The following SEMA3E variants were observed in gnomAD, a reference collection of about 807,000 sequenced individuals.
SEMA3E encodes the protein semaphorin 3E.
Under a neutral mutation model 93.6 loss-of-function variants are expected in SEMA3E, and 49 were observed. The ratio of observed to expected loss-of-function variants is 0.52; its 90% confidence interval spans 0.42 to 0.66. The LOEUF (loss-of-function observed/expected upper bound fraction) is 0.66, where lower values mean the gene tolerates loss of function less well. Among genes scored for constraint, SEMA3E ranks in the 30% least tolerant of loss-of-function variants. The probability of loss-of-function intolerance (pLI) is 0.00; values close to 1 mark genes in which losing one functional copy is unlikely to be tolerated. For synonymous variants in SEMA3E, 363 were observed against 330.7 expected (o/e 1.10, Z -1.06); for missense variants, 906 against 964.8 (o/e 0.94, Z 0.81).
rs938117818 is a variant in SEMA3E, at chr7:83,613,308, T to C, written c.115+35120A>G. Among the ~76,000 whole-genome samples the C allele has an allele frequency of 2.6e-5, 4 of 152,130 alleles. No individual in the cohort carries two copies. The Middle Eastern group carries it at 0.014, about 517-fold the overall frequency. On this transcript the variant is annotated intron_variant, in intron 1 of 16. Coordinates refer to ENST00000643230, the MANE Select transcript of SEMA3E (RefSeq NM_012431.3). ...ATACAGAAAAGAAAATCTAAAAATA[T>C]ACAGAAGTAAAACATGGAAGGAATT... is the stretch of plus-strand genomic sequence containing the variant.
At chr7:83,463,332 C>G (rs1169408747) in intron 4 of SEMA3E, among the ~76,000 whole-genome samples, 1 of 152,118 alleles carries the variant, frequency 6.6e-6, no homozygotes, top group African/African-American at 2.4e-5. Flanking sequence ...TGCTTTAATA[C>G]TTTTAGAGGC....
In SEMA3E at chr7:83,473,622, T is replaced by TA. The variant is rs72193627; in HGVS notation, c.277-4321dup. ...TAAAAATCCATATTTCTGATTTCCC[T>TA]AAAAATATGATGAAATGCAACACTA... On this transcript the variant is annotated intron_variant, in intron 2 of 16. Transcript: ENST00000643230. 8.6e-3 allele frequency among the ~76,000 whole-genome samples: 1,314 copies of TA among 152,316 alleles called. 17 individuals carry two copies. The highest frequency in any genetic ancestry group is 0.03 in the African/African-American group (1,238 of 41,576).
rs528831413 is a variant in SEMA3E, at chr7:83,647,437, A to G, written c.115+991T>C. Among the ~76,000 whole-genome samples, 170 of 152,272 alleles carry G rather than the reference A, an allele frequency of 1.1e-3. 2 individuals carry two copies. The highest frequency in any genetic ancestry group is 3.9e-3 in the African/African-American group (162 of 41,562). Reference sequence around the variant, plus strand: ...AAATGATTCTTATGTAATCCTGAGTATTACATCTGCTATCTGTCTCAATGT... The same window carrying G: ...AAATGATTCTTATGTAATCCTGAGTGTTACATCTGCTATCTGTCTCAATGT... On this transcript the variant is annotated intron_variant, in intron 1 of 16. Coordinates refer to ENST00000643230, the MANE Select transcript of SEMA3E (RefSeq NM_012431.3).
chr7:83,412,345 T>C (rs141913079), intron 5 of SEMA3E, among the ~76,000 whole-genome samples: 67 of 152,216 alleles, frequency 4.4e-4, no homozygotes, highest in Admixed American at 7.2e-4. Flanking sequence ...ATACAAAAAA[T>C]GCTCAATAAA....
intron 4 of SEMA3E, among the ~76,000 whole-genome samples, chr7:83,434,760 C>A (rs977197968): frequency 7.2e-6 from 1 of 138,558 alleles, no homozygotes; most frequent in African/African-American, 2.7e-5. Flanking sequence ...GTCGCCCAGG[C>A]TGGAGTGCAG....
chr7:83,569,614 C>A (rs1172487751), intron 1 of SEMA3E, among the ~76,000 whole-genome samples: 1 of 151,988 alleles, frequency 6.6e-6, no homozygotes, highest in East Asian at 1.9e-4. Flanking sequence ...AGATGTTAAC[C>A]AACAACAATA....
chr7:83,632,014 G>A (rs535366924), intron 1 of SEMA3E, among the ~76,000 whole-genome samples: 19 of 152,176 alleles, frequency 1.2e-4, no homozygotes, highest in African/African-American at 4.3e-4. Flanking sequence ...AATTAGCCGG[G>A]CATGGTGGTA....
chr7:83,456,091 T>G (rs1292352049), intron 4 of SEMA3E, among the ~76,000 whole-genome samples: 2 of 152,232 alleles, frequency 1.3e-5, no homozygotes, highest in Non-Finnish European at 2.9e-5. Flanking sequence ...AAAATACAAA[T>G]AGTAACGTGC....
Position 83,439,142 on chromosome 7 carries a change from C to T in SEMA3E, c.457-20659G>A, listed in dbSNP as rs183076115. 4.9e-3 allele frequency among the ~76,000 whole-genome samples: 752 copies of T among 152,272 alleles called. 7 individuals are homozygous for T. The highest frequency in any genetic ancestry group is 0.017 in the African/African-American group (707 of 41,562). ...GGAATAATTCTTCAGTTCTAAATCC[C>T]TTCTTCCCTTTTACTTGGATGCATT... On this transcript the variant is annotated intron_variant, in intron 4 of 16. Transcript: ENST00000643230.
chr7:83,455,679 G>A (rs1789464529), intron 4 of SEMA3E, among the ~76,000 whole-genome samples: 2 of 152,182 alleles, frequency 1.3e-5, no homozygotes, highest in African/African-American at 4.8e-5. Flanking sequence ...TTGTCATGAT[G>A]AAGCTGTGCT....
intron 1 of SEMA3E, among the ~76,000 whole-genome samples, chr7:83,505,461 C>T (rs1187097943): frequency 3.9e-5 from 6 of 152,214 alleles, no homozygotes; most frequent in South Asian, 2.1e-4. Flanking sequence ...AAAATTACCA[C>T]TGAATATACC....
intron 1 of SEMA3E, among the ~76,000 whole-genome samples, chr7:83,627,980 C>T (rs966703286): frequency 6.6e-6 from 1 of 152,022 alleles, no homozygotes; most frequent in Non-Finnish European, 1.5e-5. Context: ...ATATTTAGTG[C>T]TTCCTTCAGG....
intron 4 of SEMA3E, among the ~76,000 whole-genome samples, chr7:83,445,675 G>A (rs554419340): frequency 2.0e-5 from 3 of 152,204 alleles, no homozygotes; most frequent in Non-Finnish European, 4.4e-5. Flanking sequence ...CCAAGATTGC[G>A]CCATTGCATT....
intron 1 of SEMA3E, among the ~76,000 whole-genome samples, chr7:83,506,920 A>G (rs1790716092): frequency 6.6e-6 from 1 of 152,232 alleles, no homozygotes; most frequent in South Asian, 2.1e-4. Context: ...GCAATTTATT[A>G]GTAGAGCAAG....
chr7:83,454,272 A>AATATATATATAT (rs71534491), intron 4 of SEMA3E, among the ~76,000 whole-genome samples: 9 of 110,134 alleles, frequency 8.2e-5, no homozygotes, highest in African/African-American at 3.9e-4. Context: ...AAAAAAAAAA[A>AATATATATATAT]ATATATATAT....
At chr7:83,589,113 T>A (rs1584349567) in intron 1 of SEMA3E, among the ~76,000 whole-genome samples, 1 of 152,342 alleles carries the variant, frequency 6.6e-6, no homozygotes, top group African/African-American at 2.4e-5. Flanking sequence ...GAGTACTTCA[T>A]TGGCTCAGCC....
chr7:83,505,030 G>A (rs760730891), intron 1 of SEMA3E, among the ~76,000 whole-genome samples: 1 of 152,060 alleles, frequency 6.6e-6, no homozygotes, highest in African/African-American at 2.4e-5. Flanking sequence ...AACAAAAGAA[G>A]TTGTATAAAT....
intron 4 of SEMA3E, among the ~76,000 whole-genome samples, chr7:83,455,333 C>T (rs1344119821): frequency 6.6e-6 from 1 of 152,184 alleles, no homozygotes; most frequent in Non-Finnish European, 1.5e-5. Context: ...ACATTCATCC[C>T]TTAATCTTTG....
chr7:83,435,149 T>G (rs6947537), intron 4 of SEMA3E, among the ~76,000 whole-genome samples: 4,307 of 152,306 alleles, frequency 0.028, 225 homozygotes, highest in African/African-American at 0.098. Flanking sequence ...TCTACTCTTT[T>G]TCTCATTGAG....
Sources: allele counts gnomAD v4.1 joint callset (sites outside exome capture counted in the v4.1 genomes callset), GRCh38; gene constraint gnomAD v4.1.1; transcripts MANE v1.5; gene names NCBI Gene and HGNC (gene_info 2026-07-23, HGNC 2026-07-21).